Variants in ACSM3 observed in about 807,000 individuals in gnomAD.
ACSM3 encodes the protein acyl-CoA synthetase medium chain family member 3.
ACSM3 carries 61 observed loss-of-function variants against 74.1 expected under a neutral mutation model. The observed-to-expected ratio is 0.82, with a 90% CI of 0.67 to 1.02. The LOEUF (loss-of-function observed/expected upper bound fraction) is 1.02. ACSM3 is among the 50% of genes least tolerant of loss of function. The pLI is 0.00. For missense variants in ACSM3, 660 were observed against 697.0 expected (o/e 0.95, Z 0.60); for synonymous variants, 213 against 241.5 (o/e 0.88, Z 1.09).
chr16:20,789,012 CT>C (rs1368303330), intron 9 of ACSM3, among the ~76,000 whole-genome samples: 1 of 152,102 alleles, frequency 6.6e-6, no homozygotes, highest in East Asian at 1.9e-4. Flanking sequence ...CAGGCCACAC[CT>C]CAGGTTTGAA....
At chr16:20,711,633 G>A (rs1408693953) in intron 1 of ACSM3, 9 of 935,232 alleles carry the variant, frequency 9.6e-6, no homozygotes, top group African/African-American at 1.6e-5. Flanking sequence ...AACTCCTGGT[G>A]TCTCCACAAA....
At chr16:20,794,844 C>T (rs757684568) in intron 12 of ACSM3, among the ~76,000 whole-genome samples, 34 of 152,322 alleles carry the variant, frequency 2.2e-4, no homozygotes, top group Non-Finnish European at 4.1e-4. Context: ...GCTGTTCTGA[C>T]TTCAGAGTTC....
intron 1 of ACSM3, among the ~76,000 whole-genome samples, chr16:20,701,718 G>C (rs561765646): frequency 1.3e-5 from 2 of 152,044 alleles, no homozygotes; most frequent in East Asian, 3.9e-4. Flanking sequence ...ACAGGCACTG[G>C]TGTGTGATGT....
chr16:20,680,944 T>C (rs1350994666), intron 1 of ACSM3: 1 of 152,210 alleles, frequency 6.6e-6, no homozygotes, highest in Non-Finnish European at 1.5e-5. Flanking sequence ...GGGGAACTCT[T>C]ATGGTATCCA....
chr16:20,676,709 G>A (rs1253860030), intron 1 of ACSM3, among the ~76,000 whole-genome samples: 1 of 152,184 alleles, frequency 6.6e-6, no homozygotes, highest in Non-Finnish European at 1.5e-5. Flanking sequence ...TCGTGGGCGT[G>A]AACACAGTCA....
At chr16:20,792,369 T>G in intron 12 of ACSM3, 34 bp downstream of exon 12, 1 of 1,610,746 alleles carries the variant, frequency 6.2e-7, no homozygotes, top group Non-Finnish European at 8.5e-7. Flanking sequence ...CTTTATAATT[T>G]GTTGGCAATT....
upstream of ACSM3, among the ~76,000 whole-genome samples, chr16:20,761,707 G>A (rs772588840): frequency 3.3e-5 from 5 of 152,176 alleles, no homozygotes; most frequent in Non-Finnish European, 5.9e-5. Context: ...CCAGGGAAAG[G>A]CAGTCTCCTA....
At chr16:20,730,222 T>C (rs1299592374) in intron 1 of ACSM3, among the ~76,000 whole-genome samples, 2 of 152,152 alleles carry the variant, frequency 1.3e-5, no homozygotes, top group African/African-American at 2.4e-5. Context: ...GGGGAACAGA[T>C]ACTGCATAAG....
chr16:20,713,811 A>G (rs1467429740), intron 1 of ACSM3, among the ~76,000 whole-genome samples: 1 of 152,216 alleles, frequency 6.6e-6, no homozygotes, highest in Non-Finnish European at 1.5e-5. Flanking sequence ...TCCTCATTTC[A>G]AACTTTGAAG....
intron 1 of ACSM3, among the ~76,000 whole-genome samples, chr16:20,724,216 C>A (rs1394303017): frequency 5.9e-5 from 9 of 152,160 alleles, no homozygotes; most frequent in Non-Finnish European, 1.0e-4. Flanking sequence ...GGATGCAAGG[C>A]TGGTTCAACA....
chr16:20,755,281 A>G (rs1043449328), intron 2 of ACSM3, among the ~76,000 whole-genome samples: 1 of 152,272 alleles, frequency 6.6e-6, no homozygotes, highest in Non-Finnish European at 1.5e-5. Context: ...CCTCATACCA[A>G]AACCAGGAAG....
intron 1 of ACSM3, chr16:20,682,307 AG>A: frequency 6.2e-7 from 1 of 1,613,906 alleles, no homozygotes; most frequent in Non-Finnish European, 8.5e-7. Context: ...ATCAGACACC[AG>A]GAGCTTGGTT....
chr16:20,740,086 C>G (rs908486095), intron 1 of ACSM3, among the ~76,000 whole-genome samples: 2 of 152,112 alleles, frequency 1.3e-5, no homozygotes, highest in African/African-American at 4.8e-5. Context: ...GAACAAGGCA[C>G]AGAAATACAT....
chr16:20,739,022 T>A, intron 1 of ACSM3: 1 of 1,614,216 alleles, frequency 6.2e-7, no homozygotes. Context: ...AGCCTCCGCA[T>A]CATCATCCTC....
At chr16:20,766,518 T>C (rs1014930816) in intron 1 of ACSM3, 42 of 152,290 alleles carry the variant, frequency 2.8e-4, no homozygotes, top group African/African-American at 9.6e-4. Flanking sequence ...GGTCAGGAGT[T>C]TGAGACCAGC....
At chr16:20,740,076 G>C (rs1375136393) in intron 1 of ACSM3, among the ~76,000 whole-genome samples, 1 of 152,072 alleles carries the variant, frequency 6.6e-6, no homozygotes, top group African/African-American at 2.4e-5. Context: ...TTCTATTAAG[G>C]AACAAGGCAC....
chr16:20,768,241 A>T (rs2080148839), intron 1 of ACSM3, among the ~76,000 whole-genome samples: 1 of 152,246 alleles, frequency 6.6e-6, no homozygotes, highest in Non-Finnish European at 1.5e-5. Flanking sequence ...GTTCAGAGTG[A>T]TTAATAATTC....
chr16:20,787,151 T>G (rs1436659530), intron 9 of ACSM3, among the ~76,000 whole-genome samples: 1 of 152,226 alleles, frequency 6.6e-6, no homozygotes, highest in Non-Finnish European at 1.5e-5. Flanking sequence ...TAACACTAAT[T>G]TGGACACTCC....
At chr16:20,682,703 T>C (rs755116770) in intron 1 of ACSM3, among the ~76,000 whole-genome samples, 1 of 152,218 alleles carries the variant, frequency 6.6e-6, no homozygotes, top group Non-Finnish European at 1.5e-5. Flanking sequence ...TTGTAAGCCC[T>C]GCCCTAATCT....
Sources: gnomAD v4.1 joint callset for allele counts (sites outside exome capture counted in the v4.1 genomes callset) on GRCh38, gnomAD v4.1.1 for gene constraint, MANE v1.5 for transcripts, NCBI Gene and HGNC (gene_info 2026-07-23, HGNC 2026-07-21) for gene names.